Variants in THSD7B observed in about 807,000 individuals in gnomAD.
THSD7B encodes thrombospondin type-1 domain-containing protein 7B.
THSD7B carries 138 observed loss-of-function variants against 213.6 expected under a neutral mutation model. The observed-to-expected ratio is 0.65, with a 90% CI of 0.56 to 0.74. The LOEUF (loss-of-function observed/expected upper bound fraction) is 0.74, where lower values mean the gene tolerates loss of function less well. Ranked by LOEUF, THSD7B falls within the 30% of genes least tolerant of loss-of-function variation. THSD7B has a pLI of 0.00. For missense variants in THSD7B, 1,931 were observed against 1,991.5 expected (o/e 0.97, Z 0.58); for synonymous variants, 742 against 687.0 (o/e 1.08, Z -1.25).
At chr2:137,152,866 T>C (rs566115899) in intron 5 of THSD7B, among the ~76,000 whole-genome samples, 96 of 152,320 alleles carry the variant, frequency 6.3e-4, no homozygotes, top group Non-Finnish European at 1.3e-3. Flanking sequence ...TACCTGCCTC[T>C]CTGCCTTTTT....
At chr2:137,213,827 T>C (rs552417319) in intron 7 of THSD7B, among the ~76,000 whole-genome samples, 3 of 152,162 alleles carry the variant, frequency 2.0e-5, no homozygotes, top group Admixed American at 2.0e-4. Context: ...GCAGGTAGAG[T>C]TGGCTCACAG....
chr2:137,170,813 A>G lies in THSD7B; in HGVS notation c.1598A>G (p.Glu533Gly). The G allele has an allele frequency of 1.2e-6, 2 of 1,613,714 alleles. No homozygotes were observed. The highest frequency in any genetic ancestry group is 1.7e-6 in the Non-Finnish European group (2 of 1,179,784). Residue 533 changes from glutamate (E) to glycine (G), a missense_variant, in exon 7 of 28, where the codon GAG (glutamate) becomes GGG (glycine). By Grantham distance (98) the Glu-to-Gly change is moderately conservative. Coordinates refer to ENST00000409968, the MANE Select transcript of THSD7B (RefSeq NM_001316349.2). ...GCAGGGCATTGCCCTCATTTGGTGGAGTCTGTTCCTTGTGAGGATCCAATG... is the reference window on the plus strand; with the variant it reads ...GCAGGGCATTGCCCTCATTTGGTGGGGTCTGTTCCTTGTGAGGATCCAATG... ...GPAGHCPHLV[E>G]SVPCEDPMCY...
intron 1 of THSD7B, among the ~76,000 whole-genome samples, chr2:136,842,509 G>T (rs537437328): frequency 2.6e-5 from 4 of 152,284 alleles, no homozygotes; most frequent in African/African-American, 9.6e-5. Context: ...ATTCAGTGAG[G>T]TGATTTCAGG....
chr2:137,559,570 G>T (rs960178917), intron 15 of THSD7B, among the ~76,000 whole-genome samples: 3 of 152,108 alleles, frequency 2.0e-5, no homozygotes, highest in Admixed American at 2.0e-4. Flanking sequence ...AATTCAGGAT[G>T]GACTAATGAC....
At chr2:137,298,619 C>G (rs1198559098) in intron 12 of THSD7B, among the ~76,000 whole-genome samples, 1 of 152,146 alleles carries the variant, frequency 6.6e-6, no homozygotes, top group African/African-American at 2.4e-5. Flanking sequence ...GGCCCAGGAT[C>G]CCTGTGCTGT....
In THSD7B at chr2:137,129,074, A is replaced by G. The variant is rs554533653; in HGVS notation, c.1369+13781A>G. Among the ~76,000 whole-genome samples the G allele has an allele frequency of 3.0e-4, 46 of 152,216 alleles. 1 individual carries two copies. In the South Asian group the frequency reaches 5.0e-3, roughly 16 times the overall value. On this transcript the variant is annotated intron_variant, in intron 5 of 27. Transcript: ENST00000409968. Reference sequence around the variant, plus strand: ...GGCTTTTTTTCATGACCCTGAAAAAAACCTCCTATTGTGATAATTCTTTGT... The same window carrying G: ...GGCTTTTTTTCATGACCCTGAAAAAGACCTCCTATTGTGATAATTCTTTGT...
intron 5 of THSD7B, among the ~76,000 whole-genome samples, chr2:137,122,489 G>C (rs540175537): frequency 6.6e-6 from 1 of 152,162 alleles, no homozygotes; most frequent in Non-Finnish European, 1.5e-5. Context: ...AGACACTGAA[G>C]TGGAAAGGCA....
At chr2:136,849,363 G>C (rs1287434137) in intron 1 of THSD7B, among the ~76,000 whole-genome samples, 1 of 152,244 alleles carries the variant, frequency 6.6e-6, no homozygotes, top group Middle Eastern at 3.4e-3. Flanking sequence ...TAAATAACTT[G>C]GGAAGGAGTA....
intron 3 of THSD7B, among the ~76,000 whole-genome samples, chr2:137,071,999 T>C (rs1660869900): frequency 6.6e-6 from 1 of 152,218 alleles, no homozygotes; most frequent in South Asian, 2.1e-4. Context: ...CATGCTGTTT[T>C]GGTTACTGTA....
rs556923697 is a variant in THSD7B, at chr2:136,914,185, C to T, written c.139+31868C>T. ...AAAATTCAACTGCCCCACTGGATTT[C>T]GGACATACGTGGGCCCTGTAATCCC... On this transcript the variant is annotated intron_variant, in intron 2 of 27. Transcript: ENST00000409968. Among the ~76,000 whole-genome samples, 10 of 152,290 alleles carry T rather than the reference C, an allele frequency of 6.6e-5. No homozygotes were observed. The South Asian group carries it at 1.7e-3, about 25-fold the overall frequency.
rs556330194 is a variant in THSD7B, at chr2:137,572,421, G to A, written c.3288G>A (p.Ala1096=). The part of the protein sequence containing the change: ...QSRKIRCVNT[A]DGEGGAVDSN... ...TGCTTTACAGATGTGTGAATACTGCGGATGGTGAAGGTGGAGCAGTGGATA... is the reference window on the plus strand; with the variant it reads ...TGCTTTACAGATGTGTGAATACTGCAGATGGTGAAGGTGGAGCAGTGGATA... The change falls in exon 17 of 28, where the codon GCG becomes GCA. Residue 1096 remains alanine (A), a synonymous_variant. Transcript: ENST00000409968. 3.2e-5 allele frequency: 51 copies of A among 1,613,632 alleles called. No individual in the cohort carries two copies. The highest frequency in any genetic ancestry group is 1.3e-4 in the East Asian group (6 of 44,878).
At chr2:137,293,212 C>T (rs1683380234) in intron 12 of THSD7B, among the ~76,000 whole-genome samples, 3 of 151,806 alleles carry the variant, frequency 2.0e-5, no homozygotes, top group Non-Finnish European at 4.4e-5. Context: ...AATCATGGCT[C>T]ACTGCAGCCT....
At chr2:137,179,152 T>C (rs1437749860) in intron 7 of THSD7B, among the ~76,000 whole-genome samples, 2 of 152,176 alleles carry the variant, frequency 1.3e-5, no homozygotes, top group East Asian at 3.9e-4. Context: ...TGTGATTAAA[T>C]GGTCAACCCA....
chr2:137,083,699 C>A lies in THSD7B; in HGVS notation c.951-11174C>A, dbSNP rs759101951. 3.9e-5 allele frequency among the ~76,000 whole-genome samples: 6 copies of A among 152,044 alleles called. No homozygotes were observed. In the East Asian group the frequency reaches 1.2e-3, roughly 29 times the overall value. On this transcript the variant is annotated intron_variant, in intron 3 of 27. Transcript: ENST00000409968. Reference sequence around the variant, plus strand: ...TTCTGGTTCATTTCTCTTCATTTTTCCATTCACATTTTATTCCTTGGTGTT... The same window carrying A: ...TTCTGGTTCATTTCTCTTCATTTTTACATTCACATTTTATTCCTTGGTGTT...
chr2:136,985,625 A>G (rs1339323354), intron 2 of THSD7B, among the ~76,000 whole-genome samples: 2 of 152,214 alleles, frequency 1.3e-5, no homozygotes, highest in South Asian at 2.1e-4. Context: ...ACCCTCATAG[A>G]GAACTTCTAC....
intron 17 of THSD7B, among the ~76,000 whole-genome samples, chr2:137,583,723 G>C (rs959445142): frequency 6.6e-6 from 1 of 152,170 alleles, no homozygotes; most frequent in Admixed American, 6.6e-5. Context: ...CCAGTACCAT[G>C]CTGTTTTGGT....
At chr2:137,651,065 G>A (rs1432036463) in intron 21 of THSD7B, among the ~76,000 whole-genome samples, 8 of 152,100 alleles carry the variant, frequency 5.3e-5, no homozygotes, top group Non-Finnish European at 8.8e-5. Context: ...TCTGGTCTTG[G>A]ATCAGGGAAA....
intron 12 of THSD7B, among the ~76,000 whole-genome samples, chr2:137,394,637 C>T (rs1237623461): frequency 9.5e-4 from 121 of 126,830 alleles, no homozygotes; most frequent in South Asian, 1.1e-3. Flanking sequence ...ATTGCCTTGG[C>T]GATGCGGGCT....
chr2:137,076,472 T>G (rs2104898908), intron 3 of THSD7B, among the ~76,000 whole-genome samples: 1 of 152,320 alleles, frequency 6.6e-6, no homozygotes, highest in South Asian at 2.1e-4. Context: ...GAACCAATTT[T>G]CCAGGTGCCA....
Sources: allele counts gnomAD v4.1 joint callset (sites outside exome capture counted in the v4.1 genomes callset), GRCh38; gene constraint gnomAD v4.1.1; transcripts MANE v1.5; gene names NCBI Gene and HGNC (gene_info 2026-07-23, HGNC 2026-07-21).